The following ATP6V1H variants were observed in gnomAD, a reference collection of about 807,000 sequenced individuals.
ATP6V1H encodes the protein V-type proton ATPase subunit H.
ATP6V1H carries 39 observed loss-of-function variants against 71.7 expected under a neutral mutation model. The observed-to-expected ratio is 0.54, with a 90% CI of 0.42 to 0.71. The LOEUF (loss-of-function observed/expected upper bound fraction) is 0.71, where lower values mean the gene tolerates loss of function less well. Among genes scored for constraint, ATP6V1H ranks in the 30% least tolerant of loss-of-function variants. The probability of loss-of-function intolerance (pLI) is 0.00; values close to 1 mark genes in which losing one functional copy is unlikely to be tolerated. For missense variants in ATP6V1H, 509 were observed against 594.9 expected (o/e 0.86, Z 1.50); for synonymous variants, 192 against 199.3 (o/e 0.96, Z 0.31).
chr8:53,771,439 G>C (rs1808645639), intron 10 of ATP6V1H, among the ~76,000 whole-genome samples: 1 of 152,212 alleles, frequency 6.6e-6, no homozygotes, highest in Non-Finnish European at 1.5e-5. Flanking sequence ...GGGGCAGGCA[G>C]AGAGGGGTTA....
intron 13 of ATP6V1H, among the ~76,000 whole-genome samples, chr8:53,733,628 G>A (rs1048603007): frequency 2.0e-5 from 3 of 152,204 alleles, no homozygotes; most frequent in Admixed American, 2.0e-4. Flanking sequence ...AAAGAAAGCA[G>A]GTCATTTGCA....
At chr8:53,773,424 C>G (rs1808745674) in intron 9 of ATP6V1H, among the ~76,000 whole-genome samples, 1 of 152,110 alleles carries the variant, frequency 6.6e-6, no homozygotes, top group East Asian at 1.9e-4. Context: ...GAAAAGGCAA[C>G]TACTTAAAAA....
chr8:53,719,551 C>G, intron 13 of ATP6V1H, among the ~76,000 whole-genome samples: 1 of 152,206 alleles, frequency 6.6e-6, no homozygotes, highest in East Asian at 1.9e-4. Flanking sequence ...AAGCCTGCCT[C>G]TGAATCCTCT....
chr8:53,739,210 T>C (rs529836397), intron 13 of ATP6V1H, among the ~76,000 whole-genome samples: 10 of 152,314 alleles, frequency 6.6e-5, no homozygotes, highest in African/African-American at 2.2e-4. Flanking sequence ...TTATGTTTAT[T>C]AAAAATCATG....
intron 13 of ATP6V1H, among the ~76,000 whole-genome samples, chr8:53,721,931 G>T (rs1806633468): frequency 6.6e-6 from 1 of 152,190 alleles, no homozygotes; most frequent in Non-Finnish European, 1.5e-5. Context: ...AGAGATCAGT[G>T]ATTCTAAAAG....
chr8:53,794,555 G>A (rs1354752103), intron 9 of ATP6V1H, among the ~76,000 whole-genome samples: 2 of 152,042 alleles, frequency 1.3e-5, no homozygotes, highest in Admixed American at 6.6e-5. Flanking sequence ...TAGTAGGGAC[G>A]GGGTTTCACT....
chr8:53,767,757 T>C (rs1050157512), intron 11 of ATP6V1H, among the ~76,000 whole-genome samples: 3 of 152,186 alleles, frequency 2.0e-5, no homozygotes, highest in African/African-American at 7.2e-5. Context: ...GACAACAGGA[T>C]AGCCACATGC....
At position 53,772,120 on chromosome 8, in the gene ATP6V1H, G is replaced by C. The variant is rs780355556; in HGVS notation, c.918C>G (p.Ala306=). The change falls in exon 10 of 14, where the codon GCC becomes GCG. Residue 306 remains alanine, a synonymous_variant. Coordinates refer to ENST00000359530, the MANE Select transcript of ATP6V1H (RefSeq NM_015941.4). ...GAACTTTGCACTGAATCATAGCCAG[G>C]GCATATTCTTGGCGAGTTTCTCTTT... ...STERETRQEY[A]LAMIQCKVLK... The C allele has an allele frequency of 1.1e-5, 17 of 1,613,490 alleles. No homozygotes were observed. Among genetic ancestry groups the C allele is most frequent in the Non-Finnish European group, 1.4e-5 (17 of 1,179,868 alleles).
chr8:53,772,004 C>T lies in ATP6V1H; in HGVS notation c.1034G>A (p.Ser345Asn), dbSNP rs1475735797. 10 of 1,613,864 alleles carry T rather than the reference C, an allele frequency of 6.2e-6. No homozygotes were observed. Among genetic ancestry groups the T allele is most frequent in the South Asian group, 1.1e-5 (1 of 91,028 alleles). Residue 345 changes from serine to asparagine, a missense_variant, in exon 10 of 14, where the codon AGT (serine) becomes AAT (asparagine). By Grantham distance (46) the Ser-to-Asn change is conservative. Around this residue, in one of 2 missense-constraint regions of ATP6V1H, gnomAD observed 212 missense variants for 291.6 expected, o/e 0.73. Coordinates refer to ENST00000359530, the MANE Select transcript of ATP6V1H (RefSeq NM_015941.4). ...AATAACACACCTAAGGTCCTGGACA[C>T]TCTCTCCAAGTTTTTCCAAAAGAAA... ...IKFLLEKLGE[S>N]VQDLSSFDEY...
chr8:53,759,806 C>A (rs1261412700), intron 11 of ATP6V1H, among the ~76,000 whole-genome samples: 1 of 152,148 alleles, frequency 6.6e-6, no homozygotes, highest in Non-Finnish European at 1.5e-5. Flanking sequence ...TACTAACATA[C>A]AAGCTACAAG....
In ATP6V1H at chr8:53,814,701, AT is replaced by A; in HGVS notation, c.485del (p.Asn162IlefsTer7). 1.2e-6 allele frequency: 2 copies of A among 1,612,450 alleles called. No homozygotes were observed. Among genetic ancestry groups the A allele is most frequent in the Non-Finnish European group, 1.7e-6 (2 of 1,179,412 alleles). The part of the protein sequence containing the change: ...GKELMEGSDL[N>X]YYFNWIKTQL... ...GAGTTTTTATCCAATTGAAATAGTAATTTAAGTCACTGCCTTCCATCAGTTC... is the reference window on the plus strand; with the variant it reads ...GAGTTTTTATCCAATTGAAATAGTAATTAAGTCACTGCCTTCCATCAGTTC... On this transcript the variant is annotated frameshift_variant, in exon 6 of 14. Transcript: ENST00000359530. LOFTEE classifies it high-confidence loss of function.
At position 53,799,603 on chromosome 8, in the gene ATP6V1H, T is replaced by C. The variant is rs541037075; in HGVS notation, c.677+2196A>G. Among the ~76,000 whole-genome samples the C allele has an allele frequency of 2.0e-5, 3 of 152,296 alleles. No individual in the cohort carries two copies. The East Asian group carries it at 5.8e-4, about 29-fold the overall frequency. ...CCTAAATTGATCAAACTAAACCATT[T>C]GTACAAACATGTGGCTTATGCTGAA... is the stretch of plus-strand genomic sequence containing the variant. On this transcript the variant is annotated intron_variant, in intron 8 of 13. Transcript: ENST00000359530.
chr8:53,810,352 G>T lies in ATP6V1H; in HGVS notation c.579+812C>A, dbSNP rs191755866. 9.2e-4 allele frequency among the ~76,000 whole-genome samples: 140 copies of T among 152,256 alleles called. 1 individual carries two copies. The highest frequency in any genetic ancestry group is 1.6e-3 in the Non-Finnish European group (106 of 68,010). On this transcript the variant is annotated intron_variant, in intron 7 of 13. Transcript: ENST00000359530. ...GTTCAGCCATTCCCAAATGGAAAAC[G>T]TAACTTTAGCCAAGAAAGGAACTTG...
At chr8:53,777,511 C>CA (rs931917472) in intron 9 of ATP6V1H, among the ~76,000 whole-genome samples, 3 of 151,900 alleles carry the variant, frequency 2.0e-5, no homozygotes, top group African/African-American at 7.3e-5. Context: ...CTATATCCAG[C>CA]AAAAATATCC....
intron 9 of ATP6V1H, among the ~76,000 whole-genome samples, chr8:53,786,357 C>A (rs1044383556): frequency 6.6e-6 from 1 of 152,224 alleles, no homozygotes; most frequent in African/African-American, 2.4e-5. Context: ...ATATAATCTC[C>A]TGGTGTGCCA....
chr8:53,800,262 T>C (rs543665255), intron 8 of ATP6V1H, among the ~76,000 whole-genome samples: 2 of 152,312 alleles, frequency 1.3e-5, no homozygotes, highest in Admixed American at 1.3e-4. Context: ...GCGTCCTCAC[T>C]GTATCTCTGT....
At chr8:53,751,790 C>T (rs970085536) in intron 12 of ATP6V1H, among the ~76,000 whole-genome samples, 1 of 152,114 alleles carries the variant, frequency 6.6e-6, no homozygotes, top group African/African-American at 2.4e-5. Flanking sequence ...CTGCCTCAGC[C>T]TCCTGAGTAG....
At chr8:53,750,860 G>A (rs1312095196) in intron 12 of ATP6V1H, among the ~76,000 whole-genome samples, 1 of 152,122 alleles carries the variant, frequency 6.6e-6, no homozygotes, top group East Asian at 1.9e-4. Context: ...TGAAGTAGCA[G>A]ACACTTTACT....
In ATP6V1H at chr8:53,780,686, C is replaced by T. The variant is rs565918171; in HGVS notation, c.871-8519G>A. Among the ~76,000 whole-genome samples, 1,051 of 152,152 alleles carry T rather than the reference C, an allele frequency of 6.9e-3. 15 individuals carry two copies. Among genetic ancestry groups the T allele is most frequent in the African/African-American group, 0.023 (973 of 41,490 alleles). On this transcript the variant is annotated intron_variant, in intron 9 of 13. Coordinates refer to ENST00000359530, the MANE Select transcript of ATP6V1H (RefSeq NM_015941.4). The stretch of plus-strand genomic sequence containing the variant: ...AGGTATATCTCCTAATGGTATCCCT[C>T]CCCCATCCCCCACTCCACAACAGCC...
Sources: allele counts gnomAD v4.1 joint callset (sites outside exome capture counted in the v4.1 genomes callset), GRCh38; gene constraint gnomAD v4.1.1; regional missense constraint gnomAD v4.1.1; transcripts MANE v1.5; gene names NCBI Gene and HGNC (gene_info 2026-07-23, HGNC 2026-07-21).